CSGALNACT1: variants seen among roughly 807,000 people sequenced by gnomAD.
The protein encoded by CSGALNACT1 is chondroitin sulfate N-acetylgalactosaminyltransferase 1, also known as beta4GalNAcT-1.
Under a neutral mutation model 51.0 loss-of-function variants are expected in CSGALNACT1, and 52 were observed. The ratio of observed to expected loss-of-function variants is 1.02; its 90% CI spans 0.82 to 1.29. The LOEUF (loss-of-function observed/expected upper bound fraction) is 1.29. CSGALNACT1 is among the 50% of genes most tolerant of loss of function. CSGALNACT1 has a pLI of 0.00. For synonymous variants in CSGALNACT1, 341 were observed against 254.4 expected (o/e 1.34, Z -3.24); for missense variants, 935 against 679.2 (o/e 1.38, Z -4.19).
intron 6 of CSGALNACT1, among the ~76,000 whole-genome samples, chr8:19,427,657 G>A (rs768372701): frequency 3.9e-5 from 6 of 152,052 alleles, no homozygotes; most frequent in Non-Finnish European, 7.4e-5. Context: ...GCATGGTGGC[G>A]GGCACCTGTA....
chr8:19,522,445 AC>A (rs995512112), intron 3 of CSGALNACT1, among the ~76,000 whole-genome samples: 2 of 151,854 alleles, frequency 1.3e-5, no homozygotes, highest in African/African-American at 4.8e-5. Context: ...AATTTGAAAA[AC>A]TCTCTCTAAA....
intron 3 of CSGALNACT1, among the ~76,000 whole-genome samples, chr8:19,572,990 T>G (rs1205295150): frequency 1.3e-5 from 2 of 152,192 alleles, no homozygotes; most frequent in Non-Finnish European, 2.9e-5. Flanking sequence ...AAAATTATAC[T>G]TGTTACAACT....
At chr8:19,671,842 T>C (rs1033268282) in intron 1 of CSGALNACT1, among the ~76,000 whole-genome samples, 1 of 152,154 alleles carries the variant, frequency 6.6e-6, no homozygotes, top group Non-Finnish European at 1.5e-5. Flanking sequence ...TCCCACTTAT[T>C]ATATAATGAG....
intron 4 of CSGALNACT1, among the ~76,000 whole-genome samples, chr8:19,473,303 A>G (rs1440023303): frequency 6.6e-6 from 1 of 152,200 alleles, no homozygotes; most frequent in Non-Finnish European, 1.5e-5. Flanking sequence ...TATCAACTGA[A>G]AATTTCAAAT....
chr8:19,455,018 C>T (rs556063308), intron 5 of CSGALNACT1, among the ~76,000 whole-genome samples: 84 of 152,178 alleles, frequency 5.5e-4, no homozygotes, highest in Admixed American at 1.8e-3. Context: ...CTGACTTATT[C>T]CCAGCTGGCA....
At chr8:19,422,933 TTC>T (rs1204347049) in intron 6 of CSGALNACT1, among the ~76,000 whole-genome samples, 3 of 152,198 alleles carry the variant, frequency 2.0e-5, no homozygotes, top group Admixed American at 6.5e-5. Flanking sequence ...CCAGTAGCAA[TTC>T]TCTTTCTTCG....
intron 3 of CSGALNACT1, among the ~76,000 whole-genome samples, chr8:19,554,547 TGACA>T (rs2089206814): frequency 6.6e-6 from 1 of 151,734 alleles, no homozygotes; most frequent in Non-Finnish European, 1.5e-5. Context: ...TTGAGCAAAC[TGACA>T]GTTTCCAAAA....
intron 3 of CSGALNACT1, among the ~76,000 whole-genome samples, chr8:19,568,658 A>T (rs547733763): frequency 1.3e-5 from 2 of 152,212 alleles, no homozygotes; most frequent in East Asian, 3.8e-4. Context: ...GGCAATATAT[A>T]TAAAACTTCA....
At position 19,419,399 on chromosome 8, in the gene CSGALNACT1, T is replaced by G. The variant is rs1262760076; in HGVS notation, c.1133-649A>C. On this transcript the variant is annotated intron_variant, in intron 7 of 9. Transcript: ENST00000454498. ...TGGCTCATGGGATCATCTTAAATGG[T>G]TGACTTTGGGTCAGGGTGACTTTGG... Among the ~76,000 whole-genome samples, 5 of 152,200 alleles carry G rather than the reference T, an allele frequency of 3.3e-5. No homozygotes were observed. In the East Asian group the frequency reaches 9.7e-4, roughly 29 times the overall value.
chr8:19,648,890 T>C (rs1036168411), intron 1 of CSGALNACT1, among the ~76,000 whole-genome samples: 4 of 152,182 alleles, frequency 2.6e-5, no homozygotes, highest in Non-Finnish European at 4.4e-5. Flanking sequence ...CGGAATACAG[T>C]AGAGACTTCA....
At chr8:19,607,659 T>A (rs888462856) in intron 1 of CSGALNACT1, among the ~76,000 whole-genome samples, 2 of 152,240 alleles carry the variant, frequency 1.3e-5, no homozygotes, top group African/African-American at 4.8e-5. Context: ...TGAACAGTGT[T>A]TCAGGGATAT....
upstream of CSGALNACT1, among the ~76,000 whole-genome samples, chr8:19,685,967 C>G (rs1040615564): frequency 2.6e-5 from 4 of 152,204 alleles, no homozygotes; most frequent in Non-Finnish European, 4.4e-5. Context: ...TACCCATACT[C>G]ATGTATCGAA....
chr8:19,445,554 T>C (rs576784518), intron 5 of CSGALNACT1, among the ~76,000 whole-genome samples: 1 of 152,330 alleles, frequency 6.6e-6, no homozygotes, highest in Admixed American at 6.5e-5. Flanking sequence ...TCGTGTACTC[T>C]TCTCTTTCAT....
At chr8:19,616,012 G>C (rs2052953097) in intron 1 of CSGALNACT1, among the ~76,000 whole-genome samples, 1 of 151,938 alleles carries the variant, frequency 6.6e-6, no homozygotes, top group African/African-American at 2.4e-5. Context: ...GAAGACAATA[G>C]GAAAATTACC....
chr8:19,709,077 T>G (rs2062349797), intron 1 of CSGALNACT1, among the ~76,000 whole-genome samples: 1 of 152,158 alleles, frequency 6.6e-6, no homozygotes, highest in Non-Finnish European at 1.5e-5. Flanking sequence ...ATTATTATTA[T>G]TACTCATTTG....
At chr8:19,650,274 G>A (rs1024808691) in intron 1 of CSGALNACT1, among the ~76,000 whole-genome samples, 6 of 152,208 alleles carry the variant, frequency 3.9e-5, no homozygotes, top group African/African-American at 1.4e-4. Flanking sequence ...AGCCCCTTCA[G>A]AAGTATTTGA....
chr8:19,448,061 T>C (rs2153790132), intron 5 of CSGALNACT1, among the ~76,000 whole-genome samples: 1 of 152,322 alleles, frequency 6.6e-6, no homozygotes, highest in South Asian at 2.1e-4. Context: ...CTGATGCTTG[T>C]ACAGCCAGTG....
At chr8:19,513,455 T>TATATATATATAC (rs1554650251) in intron 3 of CSGALNACT1, among the ~76,000 whole-genome samples, 10 of 141,854 alleles carry the variant, frequency 7.0e-5, no homozygotes, top group African/African-American at 2.4e-4. Context: ...TATATATATA[T>TATATATATATAC]ATATATATTT....
At chr8:19,621,800 A>C (rs781641810) in intron 1 of CSGALNACT1, among the ~76,000 whole-genome samples, 1 of 152,194 alleles carries the variant, frequency 6.6e-6, no homozygotes, top group Non-Finnish European at 1.5e-5. Flanking sequence ...AAAATAAAAG[A>C]GTAAAACAAC....
Sources: gnomAD v4.1 joint callset for allele counts (sites outside exome capture counted in the v4.1 genomes callset) on GRCh38, gnomAD v4.1.1 for gene constraint, MANE v1.5 for transcripts, NCBI Gene and HGNC (gene_info 2026-07-23, HGNC 2026-07-21) for gene names.